TNPO2: variants seen among roughly 807,000 people sequenced by gnomAD.
TNPO2 encodes transportin 2, also known as transportin-2.
Under a neutral mutation model 111.1 loss-of-function variants are expected in TNPO2, and 16 were observed. The ratio of observed to expected loss-of-function variants is 0.14; its 90% CI spans 0.10 to 0.22. The LOEUF (loss-of-function observed/expected upper bound fraction) is 0.22, where lower values mean the gene tolerates loss of function less well. Ranked by LOEUF, TNPO2 falls within the 10% of genes least tolerant of loss-of-function variation. TNPO2 has a pLI of 1.00. For synonymous variants in TNPO2, 481 were observed against 475.8 expected, an observed-to-expected ratio of 1.01 and a Z score of -0.14; for missense variants, 530 against 1,173.7, an observed-to-expected ratio of 0.45 and a Z score of 8.01.
rs200407787 is a variant in TNPO2, at chr19:12,702,807, C to A, written c.2305+16G>T. The A allele has an allele frequency of 1.2e-6, 2 of 1,611,806 alleles. No individual in the cohort carries two copies. The highest frequency in any genetic ancestry group is 2.7e-5 in the African/African-American group (2 of 74,856). On this transcript the variant is annotated intron_variant, in intron 21 of 25. Coordinates refer to ENST00000425528, the MANE Select transcript of TNPO2 (RefSeq NM_001382241.1). The surrounding 1 kb of genome is among the most constrained non-coding windows in gnomAD (Gnocchi z 5.5). ...GGCAGGCAGGGGTGCAGGCAGCAGC[C>A]GGGCCAGGTGCCCACCTGTGTTTTC...
intron 20 of TNPO2, 33 bp downstream of exon 20, chr19:12,703,395 G>T (rs556792211): frequency 6.3e-7 from 1 of 1,591,534 alleles, no homozygotes; most frequent in Non-Finnish European, 8.6e-7. Flanking sequence ...CAGGCTAATG[G>T]GGGGCGCGTG....
chr19:12,701,520 C>T lies in TNPO2; in HGVS notation c.2587-67G>A, dbSNP rs1412624818. On this transcript the variant is annotated intron_variant, in intron 24 of 25. Coordinates refer to ENST00000425528, the MANE Select transcript of TNPO2 (RefSeq NM_001382241.1). This position sits in a 1 kb window ranked among gnomAD's most constrained non-coding sequence, Gnocchi z 5.0. ...AAGGGGAGTGCGCCTCTTCCCCCAT[C>T]CCCAGGCCCCATTGTTACCAGATGG... The T allele has an allele frequency of 1.3e-6, 2 of 1,597,052 alleles. No individual in the cohort carries two copies. Among genetic ancestry groups the T allele is most frequent in the African/African-American group, 2.7e-5 (2 of 74,570 alleles).
At position 12,702,024 on chromosome 19, in the gene TNPO2, G is replaced by T; in HGVS notation, c.2411+48C>A. ...AAATGCACAGGCGAGGGAGGGGGTT[G>T]GGCCAGTCCCGCCCACCACACAGCA... On this transcript the variant is annotated intron_variant, in intron 22 of 25. Coordinates refer to ENST00000425528, the MANE Select transcript of TNPO2 (RefSeq NM_001382241.1). This position sits in a 1 kb window ranked among gnomAD's most constrained non-coding sequence, Gnocchi z 5.5. The T allele has an allele frequency of 6.4e-7, 1 of 1,572,918 alleles. No homozygotes were observed. Among genetic ancestry groups the T allele is most frequent in the Non-Finnish European group, 8.7e-7 (1 of 1,143,350 alleles).
rs1467603165 is a variant in TNPO2 at position 12,705,827 on chromosome 19, G to C, written c.1669-59C>G. 7.9e-7 allele frequency: 1 copy of C among 1,264,150 alleles called. No individual in the cohort carries two copies. Among genetic ancestry groups the C allele is most frequent in the African/African-American group, 1.5e-5 (1 of 64,838 alleles). The allele number at this position is 1,264,150 out of a possible 1,614,324, so 78.3% of individuals were successfully genotyped here. A position where few individuals can be genotyped will look rare whatever the true frequency, so the allele number is the denominator to read the frequency against. On this transcript the variant is annotated intron_variant, in intron 15 of 25. Transcript: ENST00000425528. This position sits in a 1 kb window ranked among gnomAD's most constrained non-coding sequence, Gnocchi z 7.2. ...GTCGGGGTGGCAGACTGTGACTCAGGTACCTGTTGCCCGAGTGATGAGGCC... is the reference window on the plus strand; with the variant it reads ...GTCGGGGTGGCAGACTGTGACTCAGCTACCTGTTGCCCGAGTGATGAGGCC...
In TNPO2 at chr19:12,703,416, C is replaced by T; in HGVS notation, c.2209+12G>A. The T allele has an allele frequency of 1.9e-6, 3 of 1,612,560 alleles. No homozygotes were observed. The highest frequency in any genetic ancestry group is 1.7e-6 in the Non-Finnish European group (2 of 1,178,906). ...AATGGGGGGCGCGTGTTGCCACTTGCAGGGCACTCACCCATCTGCATGCAG... is the reference window on the plus strand; with the variant it reads ...AATGGGGGGCGCGTGTTGCCACTTGTAGGGCACTCACCCATCTGCATGCAG... On this transcript the variant is annotated intron_variant, in intron 20 of 25. Transcript: ENST00000425528.
rs1207470439 is a variant in TNPO2, at chr19:12,721,407, C to G, written c.-13-417G>C. On this transcript the variant is annotated intron_variant, in intron 2 of 25. Coordinates refer to ENST00000425528, the MANE Select transcript of TNPO2 (RefSeq NM_001382241.1). This position sits in a 1 kb window ranked among gnomAD's most constrained non-coding sequence, Gnocchi z 4.9. The stretch of plus-strand genomic sequence containing the variant: ...CCCCAGACCGTGATAGCGCCCCGGC[C>G]CCCGTGGTCTCTTCTATGCAGGCAC... 11 of 783,640 alleles carry G rather than the reference C, an allele frequency of 1.4e-5. No individual in the cohort carries two copies. Among genetic ancestry groups the G allele is most frequent in the Non-Finnish European group, 1.9e-5 (10 of 535,574 alleles). The allele number at this position is 783,640 out of a possible 1,614,324, so 48.5% of individuals were successfully genotyped here. A position where few individuals can be genotyped will look rare whatever the true frequency, so the allele number is the denominator to read the frequency against.
At chr19:12,718,648 G>A (rs1337555970) in intron 5 of TNPO2, among the ~76,000 whole-genome samples, 1 of 152,110 alleles carries the variant, frequency 6.6e-6, no homozygotes, top group African/African-American at 2.4e-5. Flanking sequence ...GTCAGAAAAG[G>A]CTCTGCTGAA....
In TNPO2 at chr19:12,705,272, T is replaced by G; in HGVS notation, c.1990A>C (p.Asn664His). The change falls in exon 18 of 26, where the codon AAC (asparagine) becomes CAC (histidine). Residue 664 changes from asparagine (N) to histidine (H), a missense_variant. Around this residue, in one of 4 missense-constraint regions of TNPO2, gnomAD observed 183 missense variants for 481.0 expected, o/e 0.38. Transcript: ENST00000425528. This position sits in a 1 kb window ranked among gnomAD's most constrained non-coding sequence, Gnocchi z 7.2. ...CACTGGAACAGCAATGTCATGATGT[T>G]GCTGCGGGCCACCAGCTGCTCCACG... The part of the protein sequence containing the change: ...GHVEQLVARS[N>H]IMTLLFQCMQ... 1.2e-6 allele frequency: 2 copies of G among 1,605,862 alleles called. No individual in the cohort carries two copies. Among genetic ancestry groups the G allele is most frequent in the Non-Finnish European group, 1.7e-6 (2 of 1,176,442 alleles).
rs1449818004 is a variant in TNPO2, at chr19:12,719,093, G to A, written c.261C>T (p.Asp87=). ...HYQSFPPPVA[D]FIKQECLNNI... is the part of the protein sequence containing the mutation. The stretch of plus-strand genomic sequence containing the variant: ...TGTTGAGACACTCCTGTTTGATGAA[G>A]TCTGCCACAGGGGGTGGGAAGCTCT... Residue 87 remains aspartate, a synonymous_variant, in exon 5 of 26, where the codon GAC becomes GAT. Coordinates refer to ENST00000425528, the MANE Select transcript of TNPO2 (RefSeq NM_001382241.1). This position sits in a 1 kb window ranked among gnomAD's most constrained non-coding sequence, Gnocchi z 5.0. 4 of 1,613,912 alleles carry A rather than the reference G, an allele frequency of 2.5e-6. No homozygotes were observed. Among genetic ancestry groups the A allele is most frequent in the Admixed American group, 1.7e-5 (1 of 60,000 alleles).
chr19:12,713,163 T>C (rs1448069971), intron 10 of TNPO2, among the ~76,000 whole-genome samples: 1 of 152,158 alleles, frequency 6.6e-6, no homozygotes, highest in Non-Finnish European at 1.5e-5. Flanking sequence ...GGCAGGGACA[T>C]GCGGTCCTAT....
Position 12,719,954 on chromosome 19 carries a change from C to CTTTTTTT in TNPO2, c.100-625_100-619dup, listed in dbSNP as rs780055881. On this transcript the variant is annotated intron_variant, in intron 3 of 25. Coordinates refer to ENST00000425528, the MANE Select transcript of TNPO2 (RefSeq NM_001382241.1). The surrounding 1 kb of genome is among the most constrained non-coding windows in gnomAD (Gnocchi z 5.0). ...GATCCCCACTAACAGGCCATGAAGA[C>CTTTTTTT]TTTTTTTTTTTTTTTAAAAGAGGGA... Among the ~76,000 whole-genome samples the CTTTTTTT allele has an allele frequency of 7.1e-6, 1 of 141,452 alleles. No homozygotes were observed. The highest frequency in any genetic ancestry group is 2.6e-5 in the African/African-American group (1 of 38,488). The allele number at this position is 141,452 out of a possible 152,430, so 92.8% of individuals were successfully genotyped here. A position where few individuals can be genotyped will look rare whatever the true frequency, so the allele number is the denominator to read the frequency against.
At position 12,706,164 on chromosome 19, in the gene TNPO2, ATCGGGAGGCGGGAGCCGC is replaced by A. The variant is rs2025651218; in HGVS notation, c.1668+14_1668+31del. 6.2e-7 allele frequency: 1 copy of A among 1,605,310 alleles called. No individual in the cohort carries two copies. The highest frequency in any genetic ancestry group is 1.3e-5 in the African/African-American group (1 of 74,848). ...TCACTGGATGCCCAGGGGCACGGGGATCGGGAGGCGGGAGCCGCTCTGGGGTCTCACCGGCTGGTTGAG... is the reference window on the plus strand; with the variant it reads ...TCACTGGATGCCCAGGGGCACGGGGATCTGGGGTCTCACCGGCTGGTTGAG... On this transcript the variant is annotated intron_variant, in intron 15 of 25. Transcript: ENST00000425528. This position sits in a 1 kb window ranked among gnomAD's most constrained non-coding sequence, Gnocchi z 7.0.
chr19:12,699,305 G>A lies in TNPO2; in HGVS notation c.*1959C>T, dbSNP rs985866082. 8 of 434,418 alleles carry A rather than the reference G, an allele frequency of 1.8e-5. No individual in the cohort carries two copies. Among genetic ancestry groups the A allele is most frequent in the South Asian group, 4.9e-5 (3 of 60,882 alleles). The allele number at this position is 434,418 out of a possible 1,614,324, so 26.9% of individuals were successfully genotyped here. A position where few individuals can be genotyped will look rare whatever the true frequency, so the allele number is the denominator to read the frequency against. ...AGCACAGTAACAAATGGACAGACCC[G>A]GGAGCCCGCAGGGGGAAGAGGGTGA... On this transcript the variant is annotated 3_prime_UTR_variant, in exon 26 of 26. Transcript: ENST00000425528.
Position 12,702,991 on chromosome 19 carries a change from C to T in TNPO2, c.2210-73G>A. The T allele has an allele frequency of 7.4e-7, 1 of 1,357,858 alleles. No individual in the cohort carries two copies. The highest frequency in any genetic ancestry group is 1.0e-6 in the Non-Finnish European group (1 of 958,454). The allele number at this position is 1,357,858 out of a possible 1,614,324, so 84.1% of individuals were successfully genotyped here. On this transcript the variant is annotated intron_variant, in intron 20 of 25. Transcript: ENST00000425528. This position sits in a 1 kb window ranked among gnomAD's most constrained non-coding sequence, Gnocchi z 5.5. ...GGGGCCAGGGGGCCGCCCCACCTCA[C>T]TCACTACTCGCCCCAGTTCCAACTA...
intron 5 of TNPO2, among the ~76,000 whole-genome samples, chr19:12,717,377 T>C (rs1167937945): frequency 3.3e-5 from 5 of 150,156 alleles, no homozygotes; most frequent in African/African-American, 9.8e-5. Flanking sequence ...GTTCAGGTAA[T>C]TCCCCTGCCT....
chr19:12,709,496 T>C (rs2145528626), intron 13 of TNPO2, among the ~76,000 whole-genome samples: 1 of 152,160 alleles, frequency 6.6e-6, no homozygotes, highest in Non-Finnish European at 1.5e-5. Context: ...TTTAGACAAT[T>C]TTTTTTTGAG....
chr19:12,715,948 C>T lies in TNPO2; in HGVS notation c.326-209G>A, dbSNP rs1200415000. 6.6e-6 allele frequency among the ~76,000 whole-genome samples: 1 copy of T among 152,140 alleles called. No homozygotes were observed. Among genetic ancestry groups the T allele is most frequent in the African/African-American group, 2.4e-5 (1 of 41,440 alleles). On this transcript the variant is annotated intron_variant, in intron 5 of 25. Transcript: ENST00000425528. The surrounding 1 kb of genome is among the most constrained non-coding windows in gnomAD (Gnocchi z 7.1). ...CTGTGGCACAATCAATAGTCCACAG[C>T]AGCCTCAAACTCCTGGCCTCAAGCC...
chr19:12,705,814 G>T lies in TNPO2; in HGVS notation c.1669-46C>A. Reference sequence around the variant, plus strand: ...GGGCGCTCCCTGGGTCGGGGTGGCAGACTGTGACTCAGGTACCTGTTGCCC... The same window carrying T: ...GGGCGCTCCCTGGGTCGGGGTGGCATACTGTGACTCAGGTACCTGTTGCCC... On this transcript the variant is annotated intron_variant, in intron 15 of 25. Transcript: ENST00000425528. The surrounding 1 kb of genome is among the most constrained non-coding windows in gnomAD (Gnocchi z 7.2). 2 of 1,346,472 alleles carry T rather than the reference G, an allele frequency of 1.5e-6. No individual in the cohort carries two copies. The highest frequency in any genetic ancestry group is 3.0e-5 in the South Asian group (2 of 65,688). The allele number at this position is 1,346,472 out of a possible 1,614,324, so 83.4% of individuals were successfully genotyped here. A position where few individuals can be genotyped will look rare whatever the true frequency, so the allele number is the denominator to read the frequency against.
Position 12,723,235 on chromosome 19 carries a change from AT to A in TNPO2, c.-14+13del, listed in dbSNP as rs1274365099. 1 of 152,190 alleles carries A rather than the reference AT, an allele frequency of 6.6e-6. No homozygotes were observed. The highest frequency in any genetic ancestry group is 1.5e-5 in the Non-Finnish European group (1 of 68,034). The allele number at this position is 152,190 out of a possible 1,614,324, so 9.4% of individuals were successfully genotyped here. On this transcript the variant is annotated intron_variant, in intron 2 of 25. Transcript: ENST00000425528. The stretch of plus-strand genomic sequence containing the variant: ...TAAAATAAACTTTGAACCACGCCTA[AT>A]CCCTTTCCCTACCTGAAGTTGAATG...
Sources: allele counts gnomAD v4.1 joint callset (sites outside exome capture counted in the v4.1 genomes callset), GRCh38; gene constraint gnomAD v4.1.1; regional missense constraint gnomAD v4.1.1; non-coding constraint Gnocchi (gnomAD v3.1); transcripts MANE v1.5; gene names NCBI Gene and HGNC (gene_info 2026-07-23, HGNC 2026-07-21).